Variants in HSPA12B observed in about 807,000 individuals in gnomAD.
The protein encoded by HSPA12B is heat shock 70 kDa protein 12B.
In HSPA12B, 54 loss-of-function variants were observed where a neutral mutation model predicts 69.3. That is an observed-to-expected ratio of 0.78 (90% CI 0.63 to 0.98). HSPA12B has a LOEUF of 0.98. Among genes scored for constraint, HSPA12B ranks in the 50% least tolerant of loss-of-function variants. The pLI is 0.00. For synonymous variants in HSPA12B, 441 were observed against 436.5 expected (o/e 1.01, Z -0.13); for missense variants, 929 against 999.8 (o/e 0.93, Z 0.96).
Position 3,745,382 on chromosome 20 carries a change from T to C in HSPA12B, c.454-111T>C. ...GTCACATGGGGCAAGAGTGGGACGGTGGTAAAGAGGAGGGGAAGCTCCAGG... is the reference window on the plus strand; with the variant it reads ...GTCACATGGGGCAAGAGTGGGACGGCGGTAAAGAGGAGGGGAAGCTCCAGG... On this transcript the variant is annotated intron_variant, in intron 5 of 12. Transcript: ENST00000254963. This position sits in a 1 kb window ranked among gnomAD's most constrained non-coding sequence, Gnocchi z 5.6. 1 of 794,476 alleles carries C rather than the reference T, an allele frequency of 1.3e-6. No individual in the cohort carries two copies. The highest frequency in any genetic ancestry group is 2.2e-6 in the Non-Finnish European group (1 of 461,470). The allele number at this position is 794,476 out of a possible 1,614,324, so 49.2% of individuals were successfully genotyped here.
intron 1 of HSPA12B, among the ~76,000 whole-genome samples, chr20:3,734,896 C>T (rs2088085580): frequency 6.6e-6 from 1 of 152,042 alleles, no homozygotes; most frequent in African/African-American, 2.4e-5. Context: ...TGCACTACCA[C>T]GCTGGGCTAA....
At chr20:3,739,974 T>C (rs2088171078) in intron 2 of HSPA12B, among the ~76,000 whole-genome samples, 1 of 152,166 alleles carries the variant, frequency 6.6e-6, no homozygotes, top group Non-Finnish European at 1.5e-5. Flanking sequence ...TGGTGGCAGC[T>C]ACCAGCCAGG....
chr20:3,748,139 C>T (rs936389282), intron 7 of HSPA12B, 78 bp from the exon 8 acceptor site: 22 of 1,292,918 alleles, frequency 1.7e-5, no homozygotes, highest in South Asian at 1.1e-4. Context: ...CCACAGGCCG[C>T]GGTTCCCCAC....
chr20:3,746,299 G>GTTTTTTT (rs1196019528), intron 7 of HSPA12B, among the ~76,000 whole-genome samples: 2 of 36,368 alleles, frequency 5.5e-5, no homozygotes, highest in South Asian at 1.6e-3. Context: ...AAGATGGAGA[G>GTTTTTTT]TCTTTTTTTT....
Position 3,750,841 on chromosome 20 carries a change from C to T in HSPA12B, c.1339C>T (p.Arg447Ter). The T allele has an allele frequency of 6.2e-7, 1 of 1,613,954 alleles. No individual in the cohort carries two copies. Among genetic ancestry groups the T allele is most frequent in the African/African-American group, 1.3e-5 (1 of 75,036 alleles). The change falls in exon 12 of 13, where the codon CGA (arginine) becomes TGA (stop). Residue 447 changes from arginine to a stop codon, truncating the protein, a stop_gained. Transcript: ENST00000254963. LOFTEE classifies it high-confidence loss of function. ...GAAGTGGTCCTCACAGGGGATGCTC[C>T]GAATGTCTTGTGAAGCCATGAACGA... is the stretch of plus-strand genomic sequence containing the variant. ...FVKWSSQGML[R>*]MSCEAMNELF...
chr20:3,739,014 T>A (rs535747955), intron 2 of HSPA12B, among the ~76,000 whole-genome samples: 1 of 152,192 alleles, frequency 6.6e-6, no homozygotes, highest in African/African-American at 2.4e-5. Flanking sequence ...GTGCGTGTGT[T>A]TGTGTGTGCC....
Position 3,737,556 on chromosome 20 carries a change from G to A in HSPA12B, c.-17-1102G>A, listed in dbSNP as rs1330474348. 2.0e-5 allele frequency among the ~76,000 whole-genome samples: 3 copies of A among 152,122 alleles called. No individual in the cohort carries two copies. Among genetic ancestry groups the A allele is most frequent in the Non-Finnish European group, 2.9e-5 (2 of 68,034 alleles). On this transcript the variant is annotated intron_variant, in intron 1 of 12. Coordinates refer to ENST00000254963, the MANE Select transcript of HSPA12B (RefSeq NM_052970.5). This position sits in a 1 kb window ranked among gnomAD's most constrained non-coding sequence, Gnocchi z 4.1. ...AACAGTGTTTCCAGTCTCATCTGGG[G>A]ACCTTTTACAGGGATCTAGCTTTAC...
In HSPA12B at chr20:3,750,739, A is replaced by AC. The variant is rs202008002; in HGVS notation, c.1302-61dup. ...CAGAGGTAGAGAATAAGGACCACGGACCCCAAACTGGGGCAAGCAGCTGGG... is the reference window on the plus strand; with the variant it reads ...CAGAGGTAGAGAATAAGGACCACGGACCCCCAAACTGGGGCAAGCAGCTGGG... On this transcript the variant is annotated intron_variant, in intron 11 of 12. Transcript: ENST00000254963. 8.8e-3 allele frequency: 14,104 copies of AC among 1,610,296 alleles called. 81 individuals carry two copies. Among genetic ancestry groups the AC allele is most frequent in the Non-Finnish European group, 0.01 (12,006 of 1,177,562 alleles).
chr20:3,752,047 C>A lies in HSPA12B; in HGVS notation c.1942C>A (p.Pro648Thr). Residue 648 changes from proline to threonine, a missense_variant, in exon 13 of 13, where the codon CCC becomes ACC. Physicochemically the swap from Pro to Thr is conservative, Grantham distance 38. Coordinates refer to ENST00000254963, the MANE Select transcript of HSPA12B (RefSeq NM_052970.5). ...DCGQDTAGAP[P>T]GRREIRAAMQ... Reference sequence around the variant, plus strand: ...CGGCCAGGACACCGCCGGCGCGCCTCCCGGCCGCCGCGAGATCCGCGCCGC... The same window carrying A: ...CGGCCAGGACACCGCCGGCGCGCCTACCGGCCGCCGCGAGATCCGCGCCGC... The A allele has an allele frequency of 5.2e-6, 8 of 1,551,054 alleles. No individual in the cohort carries two copies. Among genetic ancestry groups the A allele is most frequent in the Non-Finnish European group, 6.9e-6 (8 of 1,154,906 alleles).
rs953274703 is a variant in HSPA12B at position 3,751,328 on chromosome 20, C to A, written c.1406-183C>A. On this transcript the variant is annotated intron_variant, in intron 12 of 12. Transcript: ENST00000254963. ...GAGCGTGAGTGTTGGGGAGGCGAAG[C>A]CCTCGAGGACTCCCGTGAGCTCTCA... The A allele has an allele frequency of 7.1e-6, 7 of 985,342 alleles. No homozygotes were observed. The African/African-American group carries it at 1.2e-4, about 17-fold the overall frequency. 61.0% of individuals were successfully genotyped at this position (985,342 alleles called of 1,614,324 possible).
intron 7 of HSPA12B, among the ~76,000 whole-genome samples, chr20:3,747,393 T>C (rs1243794677): frequency 6.6e-6 from 1 of 152,136 alleles, no homozygotes; most frequent in Non-Finnish European, 1.5e-5. Context: ...AGCAAGGCTG[T>C]CCCCAGCCAG....
chr20:3,750,170 T>C lies in HSPA12B; in HGVS notation c.1244T>C (p.Ile415Thr), dbSNP rs1256330033. The stretch of plus-strand genomic sequence containing the variant: ...AACATCTCGCTGCCCTTCTCCTTCA[T>C]TGACTTCTACCGCAAGCAGCGGGGC... The part of the protein sequence containing the change: ...ALNISLPFSF[I>T]DFYRKQRGHN... The change falls in exon 11 of 13, where the codon ATT (isoleucine) becomes ACT (threonine). Residue 415 changes from isoleucine (I) to threonine (T), a missense_variant. Ile to Thr is a moderately conservative substitution (Grantham distance 89, BLOSUM62 -1). Coordinates refer to ENST00000254963, the MANE Select transcript of HSPA12B (RefSeq NM_052970.5). 5 of 1,611,002 alleles carry C rather than the reference T, an allele frequency of 3.1e-6. No individual in the cohort carries two copies. In the South Asian group the frequency reaches 3.3e-5, roughly 11 times the overall value.
chr20:3,753,044 T>G lies in HSPA12B; in HGVS notation c.*878T>G, dbSNP rs2146598650. 6.5e-6 allele frequency: 1 copy of G among 153,346 alleles called. No homozygotes were observed. Among genetic ancestry groups the G allele is most frequent in the East Asian group, 1.9e-4 (1 of 5,180 alleles). The allele number at this position is 153,346 out of a possible 1,614,324, so 9.5% of individuals were successfully genotyped here. ...GAAATGTCAGGCACTTCCCTCTAACTGGCATGCAACAGCCCCACCTGCCTG... is the reference window on the plus strand; with the variant it reads ...GAAATGTCAGGCACTTCCCTCTAACGGGCATGCAACAGCCCCACCTGCCTG... On this transcript the variant is annotated 3_prime_UTR_variant, in exon 13 of 13. Coordinates refer to ENST00000254963, the MANE Select transcript of HSPA12B (RefSeq NM_052970.5).
Position 3,744,840 on chromosome 20 carries a change from C to T in HSPA12B, c.267-62C>T. 1 of 1,512,766 alleles carries T rather than the reference C, an allele frequency of 6.6e-7. No homozygotes were observed. Among genetic ancestry groups the T allele is most frequent in the South Asian group, 1.2e-5 (1 of 85,836 alleles). 93.7% of individuals were successfully genotyped at this position (1,512,766 alleles called of 1,614,324 possible). ...TCTGTAAGTTTTTGCACATGCTGTT[C>T]CCTCTGCCTGGATTCCCACCCAAGA... On this transcript the variant is annotated intron_variant, in intron 4 of 12. Transcript: ENST00000254963. This position sits in a 1 kb window ranked among gnomAD's most constrained non-coding sequence, Gnocchi z 4.9.
Position 3,732,710 on chromosome 20 carries a change from C to T in HSPA12B, c.-102C>T. The stretch of plus-strand genomic sequence containing the variant: ...AGGGCCGGGCGCACGTCGAGGGCTG[C>T]GGCCGCCGCAGCGGGCACGGCCAAC... On this transcript the variant is annotated 5_prime_UTR_variant, in exon 1 of 13. Coordinates refer to ENST00000254963, the MANE Select transcript of HSPA12B (RefSeq NM_052970.5). The T allele has an allele frequency of 6.6e-6, 1 of 151,560 alleles. No homozygotes were observed. The highest frequency in any genetic ancestry group is 1.5e-5 in the Non-Finnish European group (1 of 67,680). The allele number at this position is 151,560 out of a possible 1,614,324, so 9.4% of individuals were successfully genotyped here.
At chr20:3,733,268 G>C (rs1600302837) in intron 1 of HSPA12B, among the ~76,000 whole-genome samples, 1 of 152,156 alleles carries the variant, frequency 6.6e-6, no homozygotes, top group Non-Finnish European at 1.5e-5. Flanking sequence ...CTGGGACCTG[G>C]TCTTCCGGGC....
intron 12 of HSPA12B, 68 bp from the exon 13 acceptor site, chr20:3,751,443 G>A: frequency 7.3e-7 from 1 of 1,361,990 alleles, no homozygotes; most frequent in East Asian, 2.9e-5. Flanking sequence ...GGTGGCCTCA[G>A]TGGCTCTCTC....
chr20:3,745,708 A>T lies in HSPA12B; in HGVS notation c.558+111A>T. On this transcript the variant is annotated intron_variant, in intron 6 of 12. Transcript: ENST00000254963. This position sits in a 1 kb window ranked among gnomAD's most constrained non-coding sequence, Gnocchi z 5.6. ...ACATTGGATGGGTAGCCACCGCCGG[A>T]GCTCAGAGGTCATCTTCTCCAGTAC... 1 of 1,027,032 alleles carries T rather than the reference A, an allele frequency of 9.7e-7. No homozygotes were observed. Among genetic ancestry groups the T allele is most frequent in the Non-Finnish European group, 1.5e-6 (1 of 670,800 alleles). The allele number at this position is 1,027,032 out of a possible 1,614,324, so 63.6% of individuals were successfully genotyped here. A position where few individuals can be genotyped will look rare whatever the true frequency, so the allele number is the denominator to read the frequency against.
intron 7 of HSPA12B, among the ~76,000 whole-genome samples, chr20:3,746,521 T>C (rs916402623): frequency 5.8e-4 from 88 of 151,852 alleles, no homozygotes; most frequent in East Asian, 1.4e-3. Context: ...CCAGGATGGT[T>C]TCAATCTCCT....
Sources: allele counts gnomAD v4.1 joint callset (sites outside exome capture counted in the v4.1 genomes callset), GRCh38; gene constraint gnomAD v4.1.1; non-coding constraint Gnocchi (gnomAD v3.1); transcripts MANE v1.5; gene names NCBI Gene and HGNC (gene_info 2026-07-23, HGNC 2026-07-21).